The following SLC27A1 variants were observed in gnomAD, a reference collection of about 807,000 sequenced individuals.
The protein encoded by SLC27A1 is long-chain fatty acid transport protein 1.
In SLC27A1, 61 loss-of-function variants were observed where a neutral mutation model predicts 62.2. That is an observed-to-expected ratio of 0.98 (90% CI 0.80 to 1.21). The LOEUF is 1.21. Among genes scored for constraint, SLC27A1 ranks in the 50% most tolerant of loss-of-function variants. The pLI is 0.00. For missense variants in SLC27A1, 903 were observed against 932.1 expected, an observed-to-expected ratio of 0.97 and a Z score of 0.41; for synonymous variants, 435 against 408.6, an observed-to-expected ratio of 1.06 and a Z score of -0.78.
intron 1 of SLC27A1, among the ~76,000 whole-genome samples, chr19:17,474,073 G>A (rs553321802): frequency 1.3e-5 from 2 of 152,156 alleles, no homozygotes; most frequent in East Asian, 1.9e-4. Context: ...CTCCCAAGTA[G>A]CTGGGACTAC....
chr19:17,500,355 A>G lies in SLC27A1; in HGVS notation c.1284A>G (p.Thr428=), dbSNP rs1477261314. The G allele has an allele frequency of 6.2e-7, 1 of 1,614,184 alleles. No homozygotes were observed. Among genetic ancestry groups the G allele is most frequent in the Admixed American group, 1.7e-5 (1 of 60,028 alleles). ...PIRLVKVNED[T]MELLRDAQGL... ...GGCTGGTGAAGGTCAATGAGGACACAATGGAGCTGCTGCGGGATGCCCAGG... is the reference window on the plus strand; with the variant it reads ...GGCTGGTGAAGGTCAATGAGGACACGATGGAGCTGCTGCGGGATGCCCAGG... Residue 428 remains threonine, a synonymous_variant, in exon 8 of 12, where the codon ACA becomes ACG. Transcript: ENST00000252595.
At chr19:17,500,132 C>T in intron 7 of SLC27A1, 146 bp from the exon 8 acceptor site, 1 of 1,345,578 alleles carries the variant, frequency 7.4e-7, no homozygotes, top group South Asian at 1.4e-5. Context: ...GCTTACTACC[C>T]TGCTTTTGCA....
Position 17,486,514 on chromosome 19 carries a change from A to G in SLC27A1, c.168-49A>G, listed in dbSNP as rs1281422519. On this transcript the variant is annotated intron_variant, in intron 1 of 11. Transcript: ENST00000252595. The surrounding 1 kb of genome is among the most constrained non-coding windows in gnomAD (Gnocchi z 6.6). ...GGGGAGGCTGAGGCTCCCAGAGGCC[A>G]GGCGGGGCAGGGCACCAGTGACGCT... 1.3e-6 allele frequency: 2 copies of G among 1,511,888 alleles called. No homozygotes were observed. Among genetic ancestry groups the G allele is most frequent in the Admixed American group, 4.0e-5 (2 of 49,652 alleles). The allele number at this position is 1,511,888 out of a possible 1,614,324, so 93.7% of individuals were successfully genotyped here.
rs188107838 is a variant in SLC27A1 at position 17,497,230 on chromosome 19, C to T, written c.997-25C>T. On this transcript the variant is annotated intron_variant, in intron 6 of 11. Coordinates refer to ENST00000252595, the MANE Select transcript of SLC27A1 (RefSeq NM_198580.3). ...TCCCCACCGCCTGCCGGTCCCATCA[C>T]CCACTTCCTCACCCCGTCCCCCAGG... 1,885 of 1,569,306 alleles carry T rather than the reference C, an allele frequency of 1.2e-3. 14 individuals are homozygous for T. In the African/African-American group the frequency reaches 0.019, roughly 16 times the overall value.
At chr19:17,477,377 G>A (rs948246049) in intron 1 of SLC27A1, among the ~76,000 whole-genome samples, 11 of 148,918 alleles carry the variant, frequency 7.4e-5, no homozygotes, top group Admixed American at 6.8e-5. Context: ...GAGTAGCTGG[G>A]ATTACAGGTG....
At chr19:17,492,456 T>C (rs1434937728) in intron 6 of SLC27A1, 2 of 151,612 alleles carry the variant, frequency 1.3e-5, no homozygotes, top group African/African-American at 4.8e-5. Context: ...TTTTAAGAAA[T>C]AGAGGATGGG....
In SLC27A1 at chr19:17,505,897, C is replaced by T. The variant is rs1382513973; in HGVS notation, c.*1285C>T. ...CCGATGTCCCCACTGATGGCTCTGA[C>T]ACCGTGTTGGTGGCGATGTCCCAGA... On this transcript the variant is annotated 3_prime_UTR_variant, in exon 12 of 12. Transcript: ENST00000252595. The T allele has an allele frequency of 1.3e-5, 2 of 152,458 alleles. No individual in the cohort carries two copies. The highest frequency in any genetic ancestry group is 6.5e-5 in the Admixed American group (1 of 15,278). 9.4% of individuals were successfully genotyped at this position (152,458 alleles called of 1,614,324 possible).
upstream of SLC27A1, among the ~76,000 whole-genome samples, chr19:17,469,349 G>A (rs2075050987): frequency 6.6e-6 from 1 of 152,050 alleles, no homozygotes; most frequent in Admixed American, 6.6e-5. Flanking sequence ...AAGAGGCTTT[G>A]GGGCTTGGAT....
chr19:17,495,374 C>T (rs968703912), intron 6 of SLC27A1: 11 of 151,474 alleles, frequency 7.3e-5, no homozygotes, highest in African/African-American at 2.0e-4. Context: ...CTCCGCCTCC[C>T]GGGTTTACGC....
In SLC27A1 at chr19:17,487,225, C is replaced by G; in HGVS notation, c.614C>G (p.Ser205Cys). ...HLGKSLIKFC[S>C]GDLGPEGILP... Reference sequence around the variant, plus strand: ...GGGAAAAGTTTGATCAAGTTCTGCTCTGGAGACTTGGGGCCCGAGGGCATC... The same window carrying G: ...GGGAAAAGTTTGATCAAGTTCTGCTGTGGAGACTTGGGGCCCGAGGGCATC... The change falls in exon 3 of 12, where the codon TCT becomes TGT. Residue 205 changes from serine (S) to cysteine (C), a missense_variant. Ser to Cys is a moderately radical substitution (Grantham distance 112). Coordinates refer to ENST00000252595, the MANE Select transcript of SLC27A1 (RefSeq NM_198580.3). 1 of 1,614,106 alleles carries G rather than the reference C, an allele frequency of 6.2e-7. No homozygotes were observed. Among genetic ancestry groups the G allele is most frequent in the Non-Finnish European group, 8.5e-7 (1 of 1,180,000 alleles).
chr19:17,480,732 C>T (rs2075169121), intron 1 of SLC27A1, among the ~76,000 whole-genome samples: 1 of 151,776 alleles, frequency 6.6e-6, no homozygotes, highest in African/African-American at 2.4e-5. Context: ...TGGTTTGTTG[C>T]ATTGGTATAT....
chr19:17,480,453 C>G (rs1189251553), intron 1 of SLC27A1, among the ~76,000 whole-genome samples: 1 of 151,844 alleles, frequency 6.6e-6, no homozygotes, highest in Non-Finnish European at 1.5e-5. Flanking sequence ...TCACTGCAAC[C>G]CTGACCTCCT....
chr19:17,496,760 G>A (rs11665931), intron 6 of SLC27A1: 51,823 of 155,026 alleles, frequency 0.33, 9,005 homozygotes, highest in South Asian at 0.39. Flanking sequence ...TTGGATAGAA[G>A]TTGCATCCGG....
At chr19:17,474,669 C>T (rs1272246896) in intron 1 of SLC27A1, among the ~76,000 whole-genome samples, 2 of 139,412 alleles carry the variant, frequency 1.4e-5, no homozygotes, top group Non-Finnish European at 3.1e-5. Flanking sequence ...TTCGCTTTGT[C>T]ACCCAGGCTG....
chr19:17,501,220 G>A (rs1280782706), intron 10 of SLC27A1, 53 bp from the exon 11 acceptor site: 5 of 1,599,592 alleles, frequency 3.1e-6, no homozygotes, highest in Admixed American at 3.4e-5. Flanking sequence ...ATCTGGTCCT[G>A]CTGGTGGGGA....
Position 17,500,894 on chromosome 19 carries a change from G to T in SLC27A1, c.1636+18G>T. ...TGTTCCAGGCAAGCTGGGGTTGCAG[G>T]GGGTGGTCCTGAGGCATGGTCCTGA... On this transcript the variant is annotated intron_variant, in intron 10 of 11. Transcript: ENST00000252595. The T allele has an allele frequency of 1.3e-6, 2 of 1,596,978 alleles. No individual in the cohort carries two copies.
chr19:17,493,791 AT>A (rs1418427066), intron 6 of SLC27A1, among the ~76,000 whole-genome samples: 2 of 151,402 alleles, frequency 1.3e-5, no homozygotes, highest in African/African-American at 4.9e-5. Flanking sequence ...AGCCTAGCTA[AT>A]TTTTTGTATT....
intron 6 of SLC27A1, 96 bp downstream of exon 6, chr19:17,489,213 A>C (rs1474899191): frequency 7.0e-6 from 7 of 994,350 alleles, no homozygotes; most frequent in African/African-American, 3.3e-5. Context: ...GAGGCCCCGT[A>C]CCTCCCAGCA....
At chr19:17,475,550 G>A (rs773772827) in intron 1 of SLC27A1, among the ~76,000 whole-genome samples, 10 of 152,112 alleles carry the variant, frequency 6.6e-5, no homozygotes, top group Non-Finnish European at 1.5e-4. Context: ...ATGAAGGGGT[G>A]CTGACAAATC....
Sources: gnomAD v4.1 joint callset for allele counts (sites outside exome capture counted in the v4.1 genomes callset) on GRCh38, gnomAD v4.1.1 for gene constraint, Gnocchi (gnomAD v3.1) non-coding constraint, MANE v1.5 for transcripts, NCBI Gene and HGNC (gene_info 2026-07-23, HGNC 2026-07-21) for gene names.